FTCD: variants seen among roughly 807,000 people sequenced by gnomAD.
FTCD encodes the protein formimidoyltransferase-cyclodeaminase.
Under a neutral mutation model 62.9 loss-of-function variants are expected in FTCD, and 76 were observed. The ratio of observed to expected loss-of-function variants is 1.21; its 90% CI spans 1.00 to 1.46. The LOEUF (loss-of-function observed/expected upper bound fraction) is 1.46, where lower values mean the gene tolerates loss of function less well. FTCD is among the 40% of genes most tolerant of loss of function. The pLI is 0.00. For missense variants in FTCD, 845 were observed against 751.3 expected (o/e 1.12, Z -1.46); for synonymous variants, 397 against 336.9 (o/e 1.18, Z -1.95).
At position 46,137,313 on chromosome 21, in the gene FTCD, T is replaced by C. The variant is rs757551172; in HGVS notation, c.1465A>G (p.Met489Val). ...TTGAAATATGCGCCAAACACGCCCA[T>C]CTCCAGGGCTTTGGCCGCCACCTGC... ...DLQVAAKALE[M>V]GVFGAYFNVL... Residue 489 changes from methionine (M) to valine (V), a missense_variant, in exon 13 of 14, where the codon ATG becomes GTG. Transcript: ENST00000397746. 1 of 1,613,602 alleles carries C rather than the reference T, an allele frequency of 6.2e-7. No individual in the cohort carries two copies. The highest frequency in any genetic ancestry group is 8.5e-7 in the Non-Finnish European group (1 of 1,179,840).
chr21:46,137,500 T>C (rs887423976), intron 12 of FTCD, among the ~76,000 whole-genome samples, 166 bp from the exon 13 acceptor site: 6 of 152,180 alleles, frequency 3.9e-5, no homozygotes, highest in South Asian at 2.1e-4. Context: ...GCCCCACCAC[T>C]GAGCTTAGAA....
At chr21:46,142,027 A>C (rs974609479) in intron 10 of FTCD, 10 of 152,328 alleles carry the variant, frequency 6.6e-5, no homozygotes, top group African/African-American at 2.4e-4. Context: ...GCAGCAAGAG[A>C]GGCGAGCACT....
At chr21:46,140,443 G>A (rs1365456828) in intron 10 of FTCD, among the ~76,000 whole-genome samples, 3 of 144,872 alleles carry the variant, frequency 2.1e-5, no homozygotes, top group Non-Finnish European at 4.4e-5. Context: ...CACAGGGAGT[G>A]TAAACCAACC....
chr21:46,141,121 T>G (rs1248618797), intron 10 of FTCD, among the ~76,000 whole-genome samples: 1 of 150,954 alleles, frequency 6.6e-6, no homozygotes, highest in African/African-American at 2.5e-5. Flanking sequence ...AAACATAAAA[T>G]TGTTCCTATG....
At position 46,151,966 on chromosome 21, in the gene FTCD, C is replaced by T. The variant is rs61729373; in HGVS notation, c.382G>A (p.Glu128Lys). Reference sequence around the variant, plus strand: ...CGGCGACTGTCCATCCTGGCTGCCTCGCCGTACAGGTAAACTGCAGGAGAG... The same window carrying T: ...CGGCGACTGTCCATCCTGGCTGCCTTGCCGTACAGGTAAACTGCAGGAGAG... ...ELDVPVYLYG[E>K]AARMDSRRTL... The change falls in exon 4 of 14, where the codon GAG becomes AAG. Residue 128 changes from glutamate to lysine, a missense_variant. Coordinates refer to ENST00000397746, the MANE Select transcript of FTCD (RefSeq NM_206965.2). 3,368 of 1,566,986 alleles carry T rather than the reference C, an allele frequency of 2.1e-3. 4 individuals are homozygous for T. Among genetic ancestry groups the T allele is most frequent in the Non-Finnish European group, 2.6e-3 (3,045 of 1,156,458 alleles).
chr21:46,143,073 G>A (rs1319141242), intron 10 of FTCD, among the ~76,000 whole-genome samples: 4 of 152,114 alleles, frequency 2.6e-5, no homozygotes, highest in Non-Finnish European at 2.9e-5. Context: ...ACCCTCAGGC[G>A]ACTCCCTCTG....
chr21:46,145,848 G>C lies in FTCD; in HGVS notation c.1068C>G (p.Gly356=). ...EVGARSAAPG[G]GSVAAAAAAM... ...CCGCAGCGGCCGCCGCCACCGAGCC[G>C]CCCCCGGGGGCCGCAGAGCGGGCAC... The change falls in exon 9 of 14, where the codon GGC becomes GGG. Residue 356 remains glycine, a synonymous_variant. Transcript: ENST00000397746. The C allele has an allele frequency of 9.8e-7, 1 of 1,017,370 alleles. No homozygotes were observed. Among genetic ancestry groups the C allele is most frequent in the Non-Finnish European group, 1.2e-6 (1 of 859,238 alleles). The allele number at this position is 1,017,370 out of a possible 1,614,324, so 63.0% of individuals were successfully genotyped here.
At chr21:46,136,753 C>T (rs989083420), downstream of FTCD, 9 of 1,491,058 alleles carry the variant, frequency 6.0e-6, no homozygotes, top group Admixed American at 6.7e-5. Flanking sequence ...AGCCCTGCCC[C>T]CAAAACCGCC....
At chr21:46,148,741 A>G (rs1427380644) in intron 7 of FTCD, among the ~76,000 whole-genome samples, 1 of 152,266 alleles carries the variant, frequency 6.6e-6, no homozygotes, top group Non-Finnish European at 1.5e-5. Context: ...GTCAAGGTCA[A>G]TGAAGGACAA....
intron 10 of FTCD, chr21:46,142,418 C>G (rs555369440): frequency 2.7e-5 from 4 of 148,932 alleles, no homozygotes; most frequent in African/African-American, 1.0e-4. Flanking sequence ...TCACAGTGAG[C>G]GTTAAGCTCT....
At chr21:46,148,842 T>C (rs1433193824) in intron 7 of FTCD, among the ~76,000 whole-genome samples, 1 of 152,142 alleles carries the variant, frequency 6.6e-6, no homozygotes, top group Non-Finnish European at 1.5e-5. Flanking sequence ...GAGAAATCGC[T>C]ATGATGGGAA....
Position 46,152,139 on chromosome 21 carries a change from G to C in FTCD, c.368-159C>G, listed in dbSNP as rs527885994. On this transcript the variant is annotated intron_variant, in intron 3 of 13. Coordinates refer to ENST00000397746, the MANE Select transcript of FTCD (RefSeq NM_206965.2). ...CCCGTTCTCCGCCTTGGATGGATGC[G>C]GGTGGTCCCAGTGGACCCTCAGTGT... 92 of 600,620 alleles carry C rather than the reference G, an allele frequency of 1.5e-4. No individual in the cohort carries two copies. The East Asian group carries it at 2.4e-3, about 16-fold the overall frequency. 37.2% of individuals were successfully genotyped at this position (600,620 alleles called of 1,614,324 possible). A position where few individuals can be genotyped will look rare whatever the true frequency, so the allele number is the denominator to read the frequency against.
At chr21:46,144,033 TA>T (rs942063583) in intron 10 of FTCD, among the ~76,000 whole-genome samples, 9 of 151,848 alleles carry the variant, frequency 5.9e-5, no homozygotes, top group South Asian at 2.1e-4. Context: ...AAAAGAGGAT[TA>T]AAAAAAATGA....
At chr21:46,142,470 G>A (rs963246263) in intron 10 of FTCD, 1 of 152,008 alleles carries the variant, frequency 6.6e-6, no homozygotes, top group East Asian at 1.9e-4. Flanking sequence ...TCCCCGTGAG[G>A]CCGCCGACCT....
At position 46,149,823 on chromosome 21, in the gene FTCD, G is replaced by A. The variant is rs2079224086; in HGVS notation, c.906+296C>T. 4.0e-5 allele frequency among the ~76,000 whole-genome samples: 6 copies of A among 151,332 alleles called. No homozygotes were observed. The South Asian group carries it at 1.2e-3, about 31-fold the overall frequency. On this transcript the variant is annotated intron_variant, in intron 7 of 13. Transcript: ENST00000397746. The stretch of plus-strand genomic sequence containing the variant: ...TGCAGGACGCCCCGATGGAGGTGGT[G>A]AGAGGAGGCACAGGCCCCTCCACGG...
chr21:46,152,897 G>GGGGGGGGGC lies in FTCD; in HGVS notation c.367+9_367+10insGCCCCCCCC. 1 of 1,210,082 alleles carries GGGGGGGGGC rather than the reference G, an allele frequency of 8.3e-7. No homozygotes were observed. The highest frequency in any genetic ancestry group is 1.2e-6 in the Non-Finnish European group (1 of 865,830). The allele number at this position is 1,210,082 out of a possible 1,614,324, so 75.0% of individuals were successfully genotyped here. On this transcript the variant is annotated intron_variant, in intron 3 of 13. Transcript: ENST00000397746. ...GGAGCAGAGTGAGGGGGGCGGGGGG[G>GGGGGGGGGC]CACGCTCACCTGGCACGTCCAGCTC...
intron 12 of FTCD, among the ~76,000 whole-genome samples, chr21:46,137,610 T>C (rs1184851291): frequency 9.0e-6 from 1 of 111,334 alleles, no homozygotes; most frequent in Non-Finnish European, 2.0e-5. Context: ...AGGACCACAG[T>C]TCTAGAGACA....
In FTCD at chr21:46,151,455, GC is replaced by G. The variant is rs2079271420; in HGVS notation, c.636+102del. On this transcript the variant is annotated intron_variant, in intron 5 of 13. Transcript: ENST00000397746. ...CAGGTGGGAGGCCGAACCCTGTCCG[GC>G]CGGTGCCCCATCCCCACCGACCTCC... 3.1e-6 allele frequency: 3 copies of G among 965,398 alleles called. No individual in the cohort carries two copies. The East Asian group carries it at 7.8e-5, about 25-fold the overall frequency. The allele number at this position is 965,398 out of a possible 1,614,324, so 59.8% of individuals were successfully genotyped here.
intron 10 of FTCD, among the ~76,000 whole-genome samples, chr21:46,140,866 G>A (rs528115074): frequency 1.0e-4 from 15 of 144,162 alleles, no homozygotes; most frequent in African/African-American, 4.1e-4. Flanking sequence ...AGCACTCCCC[G>A]TCTGCCTTCA....
Sources: allele counts gnomAD v4.1 joint callset (sites outside exome capture counted in the v4.1 genomes callset), GRCh38; gene constraint gnomAD v4.1.1; transcripts MANE v1.5; gene names NCBI Gene and HGNC (gene_info 2026-07-23, HGNC 2026-07-21).